The following GCC2 variants were observed in gnomAD, a reference collection of about 807,000 sequenced individuals.
The protein encoded by GCC2 is GRIP and coiled-coil domain-containing protein 2.
In GCC2, 120 loss-of-function variants were observed where a neutral mutation model predicts 210.6. The observed-to-expected ratio is 0.57, with a 90% CI of 0.49 to 0.66. The LOEUF is 0.66. GCC2 is among the 30% of genes least tolerant of loss of function. The pLI, the probability that GCC2 is intolerant of heterozygous loss-of-function variation, is 0.00. For synonymous variants in GCC2, 703 were observed against 652.7 expected (o/e 1.08, Z -1.17); for missense variants, 1,868 against 1,871.9 (o/e 1.00, Z 0.04).
At chr2:108,505,837 C>G (rs1178305582) in intron 22 of GCC2, among the ~76,000 whole-genome samples, 1 of 152,104 alleles carries the variant, frequency 6.6e-6, no homozygotes. Flanking sequence ...ATTTGTTACG[C>G]AGCAGATTGT....
intron 4 of GCC2, among the ~76,000 whole-genome samples, chr2:108,460,211 A>G (rs1558731474): frequency 6.6e-6 from 1 of 152,146 alleles, no homozygotes; most frequent in Non-Finnish European, 1.5e-5. Context: ...TTTGCATGGA[A>G]TATCTTTTTC....
intron 22 of GCC2, among the ~76,000 whole-genome samples, chr2:108,504,501 G>C (rs1683089437): frequency 6.6e-6 from 1 of 152,176 alleles, no homozygotes; most frequent in Admixed American, 6.5e-5. Context: ...GTGACTTAGA[G>C]TGTAACAGTA....
intron 9 of GCC2, among the ~76,000 whole-genome samples, chr2:108,478,687 A>G (rs1447397299): frequency 1.3e-5 from 2 of 152,242 alleles, no homozygotes; most frequent in South Asian, 2.1e-4. Context: ...AAAGGGAGCC[A>G]TTGTTTATTA....
At position 108,451,052 on chromosome 2, in the gene GCC2, C is replaced by T; in HGVS notation, c.88C>T (p.Leu30Phe). The T allele has an allele frequency of 6.2e-7, 1 of 1,612,794 alleles. No individual in the cohort carries two copies. The highest frequency in any genetic ancestry group is 8.5e-7 in the Non-Finnish European group (1 of 1,178,842). Residue 30 changes from leucine to phenylalanine, a missense_variant, in exon 3 of 23, where the codon CTC becomes TTC. Physicochemically the swap from Leu to Phe is conservative, Grantham distance 22. This residue lies in a region of GCC2 where 1,847 missense variants were observed against 1,765.2 expected (regional missense o/e 1.05). Transcript: ENST00000309863. ...GCTGGAAACATTGCCCAAAGAAGAC[C>T]TCATCAAGTTTGCCAAGAAACAGAT... ...SKLETLPKED[L>F]IKFAKKQMML...
rs771300150 is a variant in GCC2, at chr2:108,469,860, A to G, written c.531A>G (p.Glu177=). Residue 177 remains glutamate, a synonymous_variant, in exon 6 of 23, where the codon GAA becomes GAG. Transcript: ENST00000309863. The stretch of plus-strand genomic sequence containing the variant: ...AACTTAAATTTCAGAACAACTCTGA[A>G]GATAATGTTAAAAAACTACAAGAAG... ...SEQLKFQNNS[E]DNVKKLQEEI... is the part of the protein sequence containing the mutation. 1 of 1,612,432 alleles carries G rather than the reference A, an allele frequency of 6.2e-7. No homozygotes were observed. Among genetic ancestry groups the G allele is most frequent in the Non-Finnish European group, 8.5e-7 (1 of 1,179,298 alleles).
At position 108,508,828 on chromosome 2, in the gene GCC2, G is replaced by T. The variant is rs2378160; in HGVS notation, c.*1198G>T. The T allele has an allele frequency of 1.0e-4, 16 of 152,608 alleles. No individual in the cohort carries two copies. The highest frequency in any genetic ancestry group is 2.7e-4 in the African/African-American group (11 of 41,440). 9.5% of individuals were successfully genotyped at this position (152,608 alleles called of 1,614,324 possible). A position where few individuals can be genotyped will look rare whatever the true frequency, so the allele number is the denominator to read the frequency against. On this transcript the variant is annotated 3_prime_UTR_variant, in exon 23 of 23. Transcript: ENST00000309863. ...TCTTAAATCAAAAATTGGATAATTT[G>T]TAATATTTATGTGTTAATCACACAG... is the stretch of plus-strand genomic sequence containing the variant.
Position 108,470,619 on chromosome 2 carries a change from G to C in GCC2, c.1290G>C (p.Lys430Asn). 1 of 1,612,294 alleles carries C rather than the reference G, an allele frequency of 6.2e-7. No individual in the cohort carries two copies. Among genetic ancestry groups the C allele is most frequent in the East Asian group, 2.2e-5 (1 of 44,836 alleles). The change falls in exon 6 of 23, where the codon AAG becomes AAC. Residue 430 changes from lysine to asparagine, a missense_variant. Lys to Asn is a moderately conservative substitution (Grantham distance 94). This residue lies in a region of GCC2 where 1,847 missense variants were observed against 1,765.2 expected (regional missense o/e 1.05). Transcript: ENST00000309863. The stretch of plus-strand genomic sequence containing the variant: ...ATAACAGAGAAGTACAGAGTCTTAA[G>C]GAACAACATCAAAAAGAAATATCAG... ...EQHNREVQSL[K>N]EQHQKEISEL...
chr2:108,481,839 A>C (rs1243869082), intron 10 of GCC2, 23 bp downstream of exon 10: 6 of 1,500,744 alleles, frequency 4.0e-6, no homozygotes, highest in Non-Finnish European at 5.4e-6. Context: ...TAAATCCAAA[A>C]ATGAAAACTA....
At position 108,470,281 on chromosome 2, in the gene GCC2, A is replaced by G. The variant is rs200042988; in HGVS notation, c.952A>G (p.Ile318Val). 1.1e-4 allele frequency: 183 copies of G among 1,613,398 alleles called. No individual in the cohort carries two copies. The East Asian group carries it at 3.2e-3, about 29-fold the overall frequency. The change falls in exon 6 of 23, where the codon ATT (isoleucine) becomes GTT (valine). Residue 318 changes from isoleucine (I) to valine (V), a missense_variant. This residue lies in a region of GCC2 where 1,847 missense variants were observed against 1,765.2 expected (regional missense o/e 1.05). Coordinates refer to ENST00000309863, the MANE Select transcript of GCC2 (RefSeq NM_181453.4). Reference sequence around the variant, plus strand: ...AAACCAAGACAATCAGATATGTTCTATTCTCTTGCAAGAAAATACATTTGT... The same window carrying G: ...AAACCAAGACAATCAGATATGTTCTGTTCTCTTGCAAGAAAATACATTTGT... ...NANQDNQICS[I>V]LLQENTFVEQ...
chr2:108,469,821 A>T lies in GCC2; in HGVS notation c.492A>T (p.Leu164Phe). 6.2e-7 allele frequency: 1 copy of T among 1,613,410 alleles called. No individual in the cohort carries two copies. The highest frequency in any genetic ancestry group is 8.5e-7 in the Non-Finnish European group (1 of 1,179,648). The change falls in exon 6 of 23, where the codon TTA becomes TTT. Residue 164 changes from leucine to phenylalanine, a missense_variant. Leu to Phe is a conservative substitution (Grantham distance 22). This residue lies in a region of GCC2 where 1,847 missense variants were observed against 1,765.2 expected (regional missense o/e 1.05). Transcript: ENST00000309863. ...KQLEEAMNTQ[L>F]ELSEQLKFQN... The stretch of plus-strand genomic sequence containing the variant: ...TGGAAGAAGCAATGAATACGCAATT[A>T]GAACTTTCAGAACAACTTAAATTTC...
chr2:108,495,806 C>A (rs573234713), intron 20 of GCC2: 50 of 176,220 alleles, frequency 2.8e-4, no homozygotes, highest in African/African-American at 1.2e-3. Context: ...CAGGAAGCAT[C>A]CAGCACAGGA....
chr2:108,493,110 G>A (rs1682485269), intron 19 of GCC2, among the ~76,000 whole-genome samples: 1 of 151,946 alleles, frequency 6.6e-6, no homozygotes, highest in Non-Finnish European at 1.5e-5. Flanking sequence ...TTTTTTTTGA[G>A]ACGGAGTCTC....
chr2:108,470,503 C>A lies in GCC2; in HGVS notation c.1174C>A (p.Leu392Ile), dbSNP rs1681138572. 1 of 1,609,876 alleles carries A rather than the reference C, an allele frequency of 6.2e-7. No homozygotes were observed. The highest frequency in any genetic ancestry group is 2.2e-5 in the East Asian group (1 of 44,784). ...DLEFKINELL[L>I]AKEEQGCVIE... ...AGAGTTTAAAATTAATGAATTATTA[C>A]TAGCTAAAGAAGAACAGGGCTGTGT... The change falls in exon 6 of 23, where the codon CTA becomes ATA. Residue 392 changes from leucine (L) to isoleucine (I), a missense_variant. Around this residue, in one of 3 missense-constraint regions of GCC2, gnomAD observed 1,847 missense variants for 1,765.2 expected, o/e 1.05. Coordinates refer to ENST00000309863, the MANE Select transcript of GCC2 (RefSeq NM_181453.4).
chr2:108,481,720 G>C lies in GCC2; in HGVS notation c.3084G>C (p.Lys1028Asn). 6.3e-7 allele frequency: 1 copy of C among 1,598,312 alleles called. No individual in the cohort carries two copies. Among genetic ancestry groups the C allele is most frequent in the Non-Finnish European group, 8.5e-7 (1 of 1,171,786 alleles). Residue 1028 changes from lysine (K) to asparagine (N), a missense_variant, in exon 10 of 23, where the codon AAG becomes AAC. Around this residue, in one of 3 missense-constraint regions of GCC2, gnomAD observed 1,847 missense variants for 1,765.2 expected, o/e 1.05. Transcript: ENST00000309863. ...AGAATCTTTTATTAGAATATGAAAA[G>C]CAGTCAGAGCAACTGGATGTGGAAA... The part of the protein sequence containing the change: ...SYKNLLLEYE[K>N]QSEQLDVEKE...
rs959267073 is a variant in GCC2 at position 108,487,746 on chromosome 2, A to G, written c.3978A>G (p.Arg1326=). Residue 1326 remains arginine (R), a synonymous_variant, in exon 17 of 23, where the codon CGA becomes CGG. Transcript: ENST00000309863. ...CTGAATTCGAGAGCTACAAAGTCCG[A>G]GTTCATAATGTTCTAAAACAACAGA... ...VTSEFESYKV[R]VHNVLKQQKN... 3.7e-6 allele frequency: 6 copies of G among 1,613,260 alleles called. No individual in the cohort carries two copies. The African/African-American group carries it at 8.0e-5, about 22-fold the overall frequency.
intron 9 of GCC2, among the ~76,000 whole-genome samples, chr2:108,477,702 C>T (rs1681616046): frequency 6.6e-6 from 1 of 152,150 alleles, no homozygotes; most frequent in African/African-American, 2.4e-5. Context: ...GAATGAAATA[C>T]TTGATCCTTT....
At chr2:108,452,264 T>A in intron 3 of GCC2, 135 bp from the exon 4 acceptor site, 1 of 667,102 alleles carries the variant, frequency 1.5e-6, no homozygotes, top group South Asian at 1.6e-5. Flanking sequence ...AGTGCAGAGA[T>A]TAATCATACT....
Position 108,469,049 on chromosome 2 carries a change from A to G in GCC2, c.286A>G (p.Lys96Glu), listed in dbSNP as rs1263041888. The change falls in exon 5 of 23, where the codon AAA (lysine) becomes GAA (glutamate). Residue 96 changes from lysine (K) to glutamate (E), a missense_variant. Physicochemically the swap from Lys to Glu is moderately conservative, Grantham distance 56. Transcript: ENST00000309863. ...AETEQQCLSL[K>E]KENIKMKQEV... ...GACTGAGCAACAGTGTCTTTCTCTG[A>G]AAAAGGAAAATATAAAAATGAAGCA... is the stretch of plus-strand genomic sequence containing the variant. The G allele has an allele frequency of 6.2e-7, 1 of 1,611,554 alleles. No homozygotes were observed. The highest frequency in any genetic ancestry group is 1.7e-5 in the Admixed American group (1 of 59,994).
chr2:108,469,508 G>A (rs573179463), intron 5 of GCC2, 143 bp from the exon 6 acceptor site: 2 of 590,012 alleles, frequency 3.4e-6, no homozygotes, highest in African/African-American at 3.8e-5. Flanking sequence ...AGAGTTATTG[G>A]AATATCAGTA....
Sources: gnomAD v4.1 joint callset for allele counts (sites outside exome capture counted in the v4.1 genomes callset) on GRCh38, gnomAD v4.1.1 for gene constraint, gnomAD v4.1.1 regional missense constraint, MANE v1.5 for transcripts, NCBI Gene and HGNC (gene_info 2026-07-23, HGNC 2026-07-21) for gene names.